The following EYA2 variants were observed in gnomAD, a reference collection of about 807,000 sequenced individuals.
EYA2 encodes the protein protein phosphatase EYA2.
EYA2 carries 31 observed loss-of-function variants against 69.2 expected under a neutral mutation model. That is an observed-to-expected ratio of 0.45 (90% CI 0.34 to 0.60). EYA2 has a LOEUF of 0.60. Ranked by LOEUF, EYA2 falls within the 20% of genes least tolerant of loss-of-function variation. The pLI is 0.02. For missense variants in EYA2, 622 were observed against 701.2 expected (o/e 0.89, Z 1.28); for synonymous variants, 257 against 279.4 (o/e 0.92, Z 0.80).
intron 9 of EYA2, among the ~76,000 whole-genome samples, chr20:47,103,940 C>A (rs1359706489): frequency 3.9e-5 from 6 of 152,176 alleles, no homozygotes; most frequent in African/African-American, 1.4e-4. Flanking sequence ...GTTTTTAATT[C>A]TCTTAGGTAT....
chr20:47,111,847 G>A (rs931866453), intron 9 of EYA2, among the ~76,000 whole-genome samples: 4 of 152,148 alleles, frequency 2.6e-5, no homozygotes, highest in African/African-American at 7.2e-5. Context: ...TCACAGCAGC[G>A]TGAACTCTGA....
At chr20:46,898,253 G>GTTTT (rs3085767) in intron 1 of EYA2, among the ~76,000 whole-genome samples, 4 of 136,698 alleles carry the variant, frequency 2.9e-5, no homozygotes, top group African/African-American at 1.1e-4. Flanking sequence ...TTTTGTGTTG[G>GTTTT]TTTTTTTTTT....
intron 1 of EYA2, among the ~76,000 whole-genome samples, chr20:46,957,565 ACACACACACACAC>A (rs1979208119): frequency 8.6e-5 from 13 of 150,944 alleles, no homozygotes; most frequent in African/African-American, 1.5e-4. Context: ...ACACACACAC[ACACACACACACAC>A]GAAGACAATG....
At chr20:47,176,496 G>A (rs776725497) in intron 12 of EYA2, among the ~76,000 whole-genome samples, 7 of 152,182 alleles carry the variant, frequency 4.6e-5, no homozygotes, top group Non-Finnish European at 1.0e-4. Flanking sequence ...TAGACCCAGA[G>A]TCCATCTCTC....
chr20:46,908,696 G>A (rs1412238661), intron 1 of EYA2, among the ~76,000 whole-genome samples: 1 of 152,006 alleles, frequency 6.6e-6, no homozygotes, highest in Non-Finnish European at 1.5e-5. Flanking sequence ...GTTGCTAGGT[G>A]TTCTGATTTT....
rs1351585017 is a variant in EYA2, at chr20:47,172,828, G to T, written c.1159G>T (p.Val387Leu). The change falls in exon 12 of 16, where the codon GTG (valine) becomes TTG (leucine). Residue 387 changes from valine to leucine, a missense_variant. By Grantham distance (32) the Val-to-Leu change is conservative. Coordinates refer to ENST00000327619, the MANE Select transcript of EYA2 (RefSeq NM_005244.5). Reference sequence around the variant, plus strand: ...GAAGCTGGCCTTCCGCTACCGGCGGGTGAAGGAGATGTACAATACCTACAA... The same window carrying T: ...GAAGCTGGCCTTCCGCTACCGGCGGTTGAAGGAGATGTACAATACCTACAA... ...MRKLAFRYRR[V>L]KEMYNTYKNN... 6.2e-7 allele frequency: 1 copy of T among 1,613,952 alleles called. No individual in the cohort carries two copies. Among genetic ancestry groups the T allele is most frequent in the South Asian group, 1.1e-5 (1 of 91,040 alleles).
At chr20:47,102,740 C>G (rs2032459213) in intron 9 of EYA2, among the ~76,000 whole-genome samples, 1 of 152,192 alleles carries the variant, frequency 6.6e-6, no homozygotes, top group African/African-American at 2.4e-5. Flanking sequence ...GTGCTCAGAG[C>G]CAGAACATCC....
At chr20:47,051,079 C>T (rs2030305478) in intron 5 of EYA2, among the ~76,000 whole-genome samples, 1 of 152,270 alleles carries the variant, frequency 6.6e-6, no homozygotes, top group Admixed American at 6.5e-5. Context: ...GCTTTTTGGA[C>T]AGTCACTCTG....
intron 5 of EYA2, among the ~76,000 whole-genome samples, chr20:47,061,794 C>T (rs2030903703): frequency 1.3e-5 from 2 of 152,278 alleles, no homozygotes; most frequent in Non-Finnish European, 1.5e-5. Flanking sequence ...GGGCCAATTG[C>T]CTGTGGTGTG....
intron 12 of EYA2, among the ~76,000 whole-genome samples, chr20:47,173,528 AAAAAC>A (rs1432931447): frequency 1.3e-5 from 2 of 149,378 alleles, no homozygotes; most frequent in Non-Finnish European, 2.9e-5. Context: ...AAAAAAAAAA[AAAAAC>A]GTGCAGGGTC....
At chr20:47,032,976 C>A (rs1404453609) in intron 5 of EYA2, among the ~76,000 whole-genome samples, 1 of 152,200 alleles carries the variant, frequency 6.6e-6, no homozygotes, top group East Asian at 1.9e-4. Flanking sequence ...AACCAGGGCC[C>A]CCTTCCAATT....
intron 1 of EYA2, chr20:46,901,176 C>A (rs923503182): frequency 6.6e-6 from 1 of 152,174 alleles, no homozygotes; most frequent in Non-Finnish European, 1.5e-5. Context: ...CTCCCTCTCA[C>A]GGTTCCGGAG....
chr20:47,152,741 G>A (rs2033847244), intron 10 of EYA2, among the ~76,000 whole-genome samples: 1 of 151,334 alleles, frequency 6.6e-6, no homozygotes, highest in Non-Finnish European at 1.5e-5. Flanking sequence ...AACCCAGGAG[G>A]CAATGGTCGC....
intron 12 of EYA2, among the ~76,000 whole-genome samples, chr20:47,173,338 A>G (rs961527116): frequency 4.0e-4 from 61 of 151,874 alleles, no homozygotes; most frequent in African/African-American, 1.3e-3. Context: ...TCCCCCTGGA[A>G]TCGGGAGGAC....
chr20:46,923,165 T>G (rs1464322457), intron 1 of EYA2, among the ~76,000 whole-genome samples: 1 of 152,068 alleles, frequency 6.6e-6, no homozygotes, highest in Non-Finnish European at 1.5e-5. Flanking sequence ...GCCAGGAGTT[T>G]GAAACCAGCC....
chr20:47,162,424 C>A (rs1185804701), intron 10 of EYA2, among the ~76,000 whole-genome samples: 1 of 151,644 alleles, frequency 6.6e-6, no homozygotes, highest in East Asian at 1.9e-4. Context: ...TAGTCCAATA[C>A]TAGTTTCTGT....
At chr20:46,914,907 GT>G (rs1398785100) in intron 1 of EYA2, among the ~76,000 whole-genome samples, 1 of 152,232 alleles carries the variant, frequency 6.6e-6, no homozygotes, top group African/African-American at 2.4e-5. Flanking sequence ...GTTGGGTTCA[GT>G]TTTAGGCAAA....
chr20:47,084,518 C>A (rs944336553), intron 7 of EYA2, among the ~76,000 whole-genome samples: 2 of 152,050 alleles, frequency 1.3e-5, no homozygotes, highest in African/African-American at 4.8e-5. Context: ...TTCAGCCTGA[C>A]AGAGTGAGAC....
intron 5 of EYA2, among the ~76,000 whole-genome samples, chr20:47,041,302 T>C (rs1165961059): frequency 6.6e-6 from 1 of 152,220 alleles, no homozygotes; most frequent in Non-Finnish European, 1.5e-5. Context: ...TCTTATGTTA[T>C]TTTGAATAGT....
Sources: gnomAD v4.1 joint callset for allele counts (sites outside exome capture counted in the v4.1 genomes callset) on GRCh38, gnomAD v4.1.1 for gene constraint, MANE v1.5 for transcripts, NCBI Gene and HGNC (gene_info 2026-07-23, HGNC 2026-07-21) for gene names.